The following SEMA5A variants were observed in gnomAD, a reference collection of about 807,000 sequenced individuals.
SEMA5A encodes semaphorin-5A.
Under a neutral mutation model 135.5 loss-of-function variants are expected in SEMA5A, and 55 were observed. The ratio of observed to expected loss-of-function variants is 0.41; its 90% CI spans 0.33 to 0.51. SEMA5A has a LOEUF of 0.51. Among genes scored for constraint, SEMA5A ranks in the 20% least tolerant of loss-of-function variants. The probability of loss-of-function intolerance (pLI) is 0.37; values close to 1 mark genes in which losing one functional copy is unlikely to be tolerated. For synonymous variants in SEMA5A, 580 were observed against 546.5 expected, an observed-to-expected ratio of 1.06 and a Z score of -0.85; for missense variants, 1,290 against 1,419.9, an observed-to-expected ratio of 0.91 and a Z score of 1.47.
chr5:9,495,637 G>A (rs1337513187), intron 1 of SEMA5A, among the ~76,000 whole-genome samples: 2 of 152,202 alleles, frequency 1.3e-5, no homozygotes, highest in African/African-American at 4.8e-5. Flanking sequence ...TGAGACAAGC[G>A]TACACTCAGC....
intron 1 of SEMA5A, among the ~76,000 whole-genome samples, chr5:9,473,660 A>T (rs1759564163): frequency 6.6e-6 from 1 of 152,124 alleles, no homozygotes; most frequent in South Asian, 2.1e-4. Flanking sequence ...GTAAAGGAGA[A>T]GAGAAAGAAA....
intron 1 of SEMA5A, among the ~76,000 whole-genome samples, chr5:9,461,276 C>G (rs1039657485): frequency 6.6e-6 from 1 of 152,196 alleles, no homozygotes; most frequent in Non-Finnish European, 1.5e-5. Context: ...CTCAAGGTGT[C>G]TTACAGAGAA....
intron 1 of SEMA5A, among the ~76,000 whole-genome samples, chr5:9,441,615 A>G (rs1269600334): frequency 1.3e-5 from 2 of 152,322 alleles, no homozygotes; most frequent in Non-Finnish European, 2.9e-5. Context: ...CATAAGAATC[A>G]CAGACAGAAA....
intron 16 of SEMA5A, among the ~76,000 whole-genome samples, chr5:9,070,258 C>A (rs896167406): frequency 3.3e-5 from 5 of 152,158 alleles, no homozygotes; most frequent in Admixed American, 6.5e-5. Context: ...GTAGTCCCAG[C>A]TACTCGGGAG....
intron 4 of SEMA5A, 97 bp downstream of exon 4, chr5:9,337,616 G>T: frequency 2.8e-6 from 2 of 721,336 alleles, no homozygotes; most frequent in South Asian, 1.8e-5. Flanking sequence ...ATATTATTCA[G>T]CATTCTTCAG....
chr5:9,243,695 G>C (rs1484447463), intron 5 of SEMA5A, among the ~76,000 whole-genome samples: 3 of 152,154 alleles, frequency 2.0e-5, no homozygotes, highest in African/African-American at 7.2e-5. Flanking sequence ...AATGTGAGAG[G>C]TACTATTATA....
At chr5:9,350,645 T>C (rs1464358675) in intron 3 of SEMA5A, among the ~76,000 whole-genome samples, 1 of 152,254 alleles carries the variant, frequency 6.6e-6, no homozygotes, top group African/African-American at 2.4e-5. Context: ...AATAAATCCC[T>C]GGACACCAAG....
At chr5:9,138,113 G>A (rs1480585456) in intron 12 of SEMA5A, among the ~76,000 whole-genome samples, 3 of 152,142 alleles carry the variant, frequency 2.0e-5, no homozygotes, top group Admixed American at 1.3e-4. Flanking sequence ...CAGAAGTAGG[G>A]CTAGGTTGGG....
At chr5:9,359,299 A>G (rs1421913293) in intron 3 of SEMA5A, among the ~76,000 whole-genome samples, 1 of 152,200 alleles carries the variant, frequency 6.6e-6, no homozygotes, top group Middle Eastern at 3.2e-3. Context: ...GCTACATAAA[A>G]GGGGAAAAAT....
chr5:9,291,605 AAGAGAG>A (rs113178598), intron 5 of SEMA5A, among the ~76,000 whole-genome samples: 1 of 126,676 alleles, frequency 7.9e-6, no homozygotes, highest in African/African-American at 2.6e-5. Flanking sequence ...GAGAGAGAGA[AAGAGAG>A]AGAGAGAGAG....
At chr5:9,423,820 G>A (rs547761242) in intron 2 of SEMA5A, among the ~76,000 whole-genome samples, 13 of 152,262 alleles carry the variant, frequency 8.5e-5, no homozygotes, top group South Asian at 2.1e-4. Flanking sequence ...AGAGCCTCTC[G>A]CCCAACACAT....
rs1744707152 is a variant in SEMA5A at position 9,184,578 on chromosome 5, A to G, written c.1273+5689T>C. On this transcript the variant is annotated intron_variant, in intron 11 of 22. Transcript: ENST00000382496. The stretch of plus-strand genomic sequence containing the variant: ...TCCACCTTAATCACTGCAAACATTT[A>G]CTCTGTGTCTAAGCTTTAGCTGTGT... Among the ~76,000 whole-genome samples, 3 of 151,766 alleles carry G rather than the reference A, an allele frequency of 2.0e-5. No individual in the cohort carries two copies. The South Asian group carries it at 6.2e-4, about 32-fold the overall frequency.
intron 8 of SEMA5A, among the ~76,000 whole-genome samples, chr5:9,222,862 C>T (rs781053713): frequency 7.2e-5 from 11 of 152,176 alleles, no homozygotes; most frequent in Admixed American, 2.0e-4. Flanking sequence ...AAGAAGGCAG[C>T]TAGTGTTTGT....
chr5:9,229,832 T>G (rs933633769), intron 6 of SEMA5A, among the ~76,000 whole-genome samples: 2 of 152,020 alleles, frequency 1.3e-5, no homozygotes, highest in Admixed American at 6.5e-5. Context: ...AGATGTGATT[T>G]CACAGCAGAG....
At chr5:9,194,878 A>G (rs1806119) in intron 10 of SEMA5A, among the ~76,000 whole-genome samples, 25,916 of 152,156 alleles carry the variant, frequency 0.17, 2,669 homozygotes, top group South Asian at 0.24. Context: ...TTAGGAAATG[A>G]GATTTGCTGT....
intron 5 of SEMA5A, among the ~76,000 whole-genome samples, chr5:9,290,478 T>C (rs1187936988): frequency 6.6e-6 from 1 of 152,214 alleles, no homozygotes; most frequent in Non-Finnish European, 1.5e-5. Flanking sequence ...TTTTTGCAGT[T>C]GAGTATTGTG....
intron 11 of SEMA5A, among the ~76,000 whole-genome samples, chr5:9,180,875 C>T (rs146326349): frequency 6.6e-6 from 1 of 152,280 alleles, no homozygotes; most frequent in East Asian, 1.9e-4. Flanking sequence ...GCAGAAGAAA[C>T]TTCTAGAGTA....
At chr5:9,182,020 A>T (rs2150329204) in intron 11 of SEMA5A, among the ~76,000 whole-genome samples, 1 of 152,080 alleles carries the variant, frequency 6.6e-6, no homozygotes, top group African/African-American at 2.4e-5. Context: ...TCCAACTTTA[A>T]TGGACCTGTT....
chr5:9,369,632 A>G (rs1755054425), intron 3 of SEMA5A, among the ~76,000 whole-genome samples: 1 of 152,176 alleles, frequency 6.6e-6, no homozygotes, highest in South Asian at 2.1e-4. Flanking sequence ...CCTCTTCACT[A>G]AAAGTTAATT....
Sources: gnomAD v4.1 joint callset for allele counts (sites outside exome capture counted in the v4.1 genomes callset) on GRCh38, gnomAD v4.1.1 for gene constraint, MANE v1.5 for transcripts, NCBI Gene and HGNC (gene_info 2026-07-23, HGNC 2026-07-21) for gene names.